Variants in SLC4A4 observed in about 807,000 individuals in gnomAD.
SLC4A4 encodes solute carrier family 4 member 4, also known as electrogenic sodium bicarbonate cotransporter 1.
Under a neutral mutation model 111.5 loss-of-function variants are expected in SLC4A4, and 27 were observed. The observed-to-expected ratio is 0.24, with a 90% CI of 0.18 to 0.33. SLC4A4 has a LOEUF of 0.33. Ranked by LOEUF, SLC4A4 falls within the 10% of genes least tolerant of loss-of-function variation. SLC4A4 has a pLI of 1.00. For missense variants in SLC4A4, 909 were observed against 1,315.5 expected, an observed-to-expected ratio of 0.69 and a Z score of 4.78; for synonymous variants, 443 against 463.4, an observed-to-expected ratio of 0.96 and a Z score of 0.57.
intron 23 of SLC4A4, among the ~76,000 whole-genome samples, chr4:71,561,575 T>C (rs1736981751): frequency 6.6e-6 from 1 of 151,834 alleles, no homozygotes; most frequent in South Asian, 2.1e-4. Context: ...AAAGGCTTAA[T>C]GCATGAGGCA....
At chr4:71,466,928 G>C (rs1727379425) in intron 13 of SLC4A4, among the ~76,000 whole-genome samples, 1 of 72,546 alleles carries the variant, frequency 1.4e-5, no homozygotes, top group South Asian at 5.0e-4. Context: ...CCAACAAGAC[G>C]GGAAGAGAGA....
intron 18 of SLC4A4, among the ~76,000 whole-genome samples, chr4:71,546,071 G>T (rs1026895911): frequency 6.6e-6 from 1 of 151,952 alleles, no homozygotes; most frequent in African/African-American, 2.4e-5. Context: ...GATAGGTTAG[G>T]AATAAACAAA....
chr4:71,537,198 C>T (rs1389343499), intron 18 of SLC4A4, among the ~76,000 whole-genome samples: 3 of 151,850 alleles, frequency 2.0e-5, no homozygotes, highest in Non-Finnish European at 2.9e-5. Context: ...AATATCCTCT[C>T]CTTCTGGGTA....
chr4:71,292,184 G>A (rs940124547), intron 3 of SLC4A4, among the ~76,000 whole-genome samples: 3 of 152,138 alleles, frequency 2.0e-5, no homozygotes, highest in African/African-American at 7.2e-5. Context: ...GTCTAACTTA[G>A]GTGTAATTAG....
At chr4:71,492,040 T>C (rs1465711203) in intron 15 of SLC4A4, among the ~76,000 whole-genome samples, 2 of 151,758 alleles carry the variant, frequency 1.3e-5, no homozygotes, top group Non-Finnish European at 2.9e-5. Context: ...GAATTAACAT[T>C]CATTTCATGG....
At chr4:71,235,440 C>G (rs1192570688) in intron 1 of SLC4A4, among the ~76,000 whole-genome samples, 1 of 152,202 alleles carries the variant, frequency 6.6e-6, no homozygotes, top group Non-Finnish European at 1.5e-5. Context: ...GAATAGAATA[C>G]AGAATGAACA....
At chr4:71,094,922 C>A (rs1323037207) in intron 2 of SLC4A4, among the ~76,000 whole-genome samples, 2 of 152,066 alleles carry the variant, frequency 1.3e-5, no homozygotes, top group African/African-American at 4.8e-5. Flanking sequence ...AATGAACAGG[C>A]TAAAAGTTAG....
intron 3 of SLC4A4, among the ~76,000 whole-genome samples, chr4:71,291,154 C>A (rs1362151657): frequency 6.6e-6 from 1 of 152,040 alleles, no homozygotes; most frequent in Non-Finnish European, 1.5e-5. Flanking sequence ...GTGAAGAACT[C>A]AAATTTTAAA....
chr4:71,305,932 G>A (rs1725645445), intron 3 of SLC4A4, among the ~76,000 whole-genome samples: 1 of 152,224 alleles, frequency 6.6e-6, no homozygotes, highest in Non-Finnish European at 1.5e-5. Context: ...AAGCAATGAA[G>A]ATGAGAAGGC....
At chr4:71,116,189 C>T (rs912007494) in intron 2 of SLC4A4, among the ~76,000 whole-genome samples, 10 of 152,194 alleles carry the variant, frequency 6.6e-5, no homozygotes, top group Non-Finnish European at 1.0e-4. Context: ...CCACTGCGCC[C>T]GGCCTATTCA....
chr4:71,144,447 T>C (rs1024822580), intron 2 of SLC4A4, among the ~76,000 whole-genome samples: 31 of 152,196 alleles, frequency 2.0e-4, no homozygotes, highest in Non-Finnish European at 3.1e-4. Context: ...TTTGGTTCCT[T>C]ATGAACTTTA....
intron 2 of SLC4A4, among the ~76,000 whole-genome samples, chr4:71,116,007 G>C (rs1743234426): frequency 6.6e-6 from 1 of 152,160 alleles, no homozygotes; most frequent in Admixed American, 6.6e-5. Context: ...CGATTCTCCT[G>C]CCTCAGCCTC....
intron 16 of SLC4A4, among the ~76,000 whole-genome samples, chr4:71,511,913 C>G (rs183669130): frequency 6.6e-6 from 1 of 152,062 alleles, no homozygotes. Context: ...CAATGACCTT[C>G]GGTTTTATCC....
intron 22 of SLC4A4, among the ~76,000 whole-genome samples, chr4:71,559,213 A>G (rs1327702789): frequency 2.6e-5 from 4 of 151,928 alleles, no homozygotes; most frequent in African/African-American, 9.7e-5. Context: ...AATTTGAAGC[A>G]AGTCAGGATG....
intron 1 of SLC4A4, among the ~76,000 whole-genome samples, chr4:71,087,371 A>AT (rs1166581893): frequency 2.6e-5 from 4 of 151,638 alleles, no homozygotes; most frequent in South Asian, 2.1e-4. Flanking sequence ...GGATTCATTG[A>AT]TTTTTTGAAG....
At chr4:71,547,881 T>C (rs1283495728) in intron 20 of SLC4A4, among the ~76,000 whole-genome samples, 161 bp downstream of exon 20, 5 of 151,944 alleles carry the variant, frequency 3.3e-5, no homozygotes, top group African/African-American at 1.2e-4. Flanking sequence ...ATAGCTTTTG[T>C]CTTGATTTCC....
chr4:71,144,765 T>C (rs909357803), intron 2 of SLC4A4, among the ~76,000 whole-genome samples: 2 of 152,194 alleles, frequency 1.3e-5, no homozygotes, highest in Admixed American at 6.5e-5. Flanking sequence ...TGTCGGTGTA[T>C]AAGAATGCTT....
intron 18 of SLC4A4, among the ~76,000 whole-genome samples, chr4:71,535,955 T>G (rs1734377886): frequency 6.6e-6 from 1 of 152,106 alleles, no homozygotes; most frequent in African/African-American, 2.4e-5. Context: ...TGGTTTTCAC[T>G]TATGATGAAA....
chr4:71,504,672 G>T (rs200646968), intron 16 of SLC4A4, among the ~76,000 whole-genome samples: 3 of 126,628 alleles, frequency 2.4e-5, no homozygotes, highest in South Asian at 5.3e-4. Context: ...ATGGGGGGGG[G>T]GGTGTTATTA....
Sources: gnomAD v4.1 joint callset for allele counts (sites outside exome capture counted in the v4.1 genomes callset) on GRCh38, gnomAD v4.1.1 for gene constraint, MANE v1.5 for transcripts, NCBI Gene and HGNC (gene_info 2026-07-23, HGNC 2026-07-21) for gene names.